Variants in PDE1A observed in about 807,000 individuals in gnomAD.
PDE1A encodes phosphodiesterase 1A, also known as dual specificity calcium/calmodulin-dependent 3',5'-cyclic nucleotide phosphodiesterase 1A.
In PDE1A, 35 loss-of-function variants were observed where a neutral mutation model predicts 61.7. That is an observed-to-expected ratio of 0.57 (90% CI 0.43 to 0.75). The LOEUF is 0.75. PDE1A is among the 30% of genes least tolerant of loss of function. The probability of loss-of-function intolerance (pLI) is 0.00; values close to 1 mark genes in which losing one functional copy is unlikely to be tolerated. For synonymous variants in PDE1A, 232 were observed against 213.2 expected (o/e 1.09, Z -0.77); for missense variants, 597 against 630.6 (o/e 0.95, Z 0.57).
chr2:182,542,688 T>C, the PDE1A span, among the ~76,000 whole-genome samples: 2 of 152,176 alleles, frequency 1.3e-5, no homozygotes, highest in Non-Finnish European at 2.9e-5. Context: ...TGGCATATCA[T>C]TAGAATTTCT....
intron 1 of PDE1A, among the ~76,000 whole-genome samples, chr2:182,322,855 A>G (rs569954515): frequency 6.6e-6 from 1 of 152,314 alleles, no homozygotes; most frequent in African/African-American, 2.4e-5. Flanking sequence ...TGATTTCGCA[A>G]AAATAAATAA....
At chr2:182,679,583 C>A in the PDE1A span, among the ~76,000 whole-genome samples, 2 of 151,800 alleles carry the variant, frequency 1.3e-5, no homozygotes, top group Non-Finnish European at 2.9e-5. Flanking sequence ...ACAATTATTA[C>A]GTGTCAATTA....
At chr2:182,580,106 C>T in the PDE1A span, among the ~76,000 whole-genome samples, 1 of 152,144 alleles carries the variant, frequency 6.6e-6, no homozygotes, top group Non-Finnish European at 1.5e-5. Context: ...CCTAAATTTG[C>T]CTTGCTTAAC....
At chr2:182,316,855 C>T (rs1473789135) in intron 1 of PDE1A, among the ~76,000 whole-genome samples, 2 of 152,050 alleles carry the variant, frequency 1.3e-5, no homozygotes, top group Non-Finnish European at 2.9e-5. Flanking sequence ...TATGTGTTGG[C>T]TTAGTATTAA....
the PDE1A span, among the ~76,000 whole-genome samples, chr2:182,698,777 T>C: frequency 2.6e-5 from 4 of 152,198 alleles, 1 homozygote; most frequent in African/African-American, 9.6e-5. Context: ...CATTTGCATG[T>C]AGTGAGCACA....
chr2:182,188,012 G>C (rs1685374011), intron 11 of PDE1A, among the ~76,000 whole-genome samples: 1 of 152,016 alleles, frequency 6.6e-6, no homozygotes, highest in Admixed American at 6.5e-5. Context: ...CAAAGTGCTG[G>C]GATTACAGGC....
At chr2:182,369,981 C>T (rs1700039969) in intron 1 of PDE1A, among the ~76,000 whole-genome samples, 1 of 151,996 alleles carries the variant, frequency 6.6e-6, no homozygotes, top group Admixed American at 6.6e-5. Context: ...TCAAGACCAT[C>T]CTGGCCAACA....
At chr2:182,543,038 G>C in the PDE1A span, among the ~76,000 whole-genome samples, 1 of 152,158 alleles carries the variant, frequency 6.6e-6, no homozygotes, top group Non-Finnish European at 1.5e-5. Flanking sequence ...TACTCTGAGT[G>C]AGTCAGCTCA....
intron 1 of PDE1A, among the ~76,000 whole-genome samples, chr2:182,307,966 C>T (rs746898037): frequency 6.6e-6 from 1 of 152,076 alleles, no homozygotes; most frequent in African/African-American, 2.4e-5. Flanking sequence ...TAAATTAGTA[C>T]AATCATTATG....
At chr2:182,530,418 G>A in the PDE1A span, among the ~76,000 whole-genome samples, 4 of 152,156 alleles carry the variant, frequency 2.6e-5, no homozygotes, top group Non-Finnish European at 4.4e-5. Context: ...TACACCTAGA[G>A]ACTCAGGATG....
At chr2:182,572,515 T>G in the PDE1A span, among the ~76,000 whole-genome samples, 9 of 152,320 alleles carry the variant, frequency 5.9e-5, no homozygotes, top group East Asian at 1.7e-3. Context: ...CTATCAGCCC[T>G]GGACTTGCTA....
the PDE1A span, among the ~76,000 whole-genome samples, chr2:182,619,380 G>C: frequency 6.6e-6 from 1 of 152,112 alleles, no homozygotes; most frequent in African/African-American, 2.4e-5. Context: ...CAAAAGCTCT[G>C]AGAAGACATT....
intron 3 of PDE1A, among the ~76,000 whole-genome samples, chr2:182,239,244 T>C (rs1035746313): frequency 4.6e-5 from 7 of 152,328 alleles, no homozygotes; most frequent in African/African-American, 1.2e-4. Context: ...ATGCAGTTTC[T>C]CTAAAATTTA....
At chr2:182,311,920 A>G (rs983638635) in intron 1 of PDE1A, among the ~76,000 whole-genome samples, 1 of 152,174 alleles carries the variant, frequency 6.6e-6, no homozygotes, top group Non-Finnish European at 1.5e-5. Flanking sequence ...GTACCTCCAC[A>G]TTATCACCAA....
intron 1 of PDE1A, among the ~76,000 whole-genome samples, chr2:182,382,191 G>T (rs1303391568): frequency 6.6e-6 from 1 of 152,132 alleles, no homozygotes; most frequent in Non-Finnish European, 1.5e-5. Flanking sequence ...AAAATTAGTA[G>T]ATTATCCAAG....
chr2:182,606,118 T>A, the PDE1A span, among the ~76,000 whole-genome samples: 2 of 152,220 alleles, frequency 1.3e-5, no homozygotes, highest in African/African-American at 4.8e-5. Flanking sequence ...TATAGCACTG[T>A]CACAGAAAGA....
At chr2:182,341,903 A>G (rs1482723184) in intron 1 of PDE1A, among the ~76,000 whole-genome samples, 1 of 152,052 alleles carries the variant, frequency 6.6e-6, no homozygotes, top group Non-Finnish European at 1.5e-5. Flanking sequence ...GACTACAGAC[A>G]CACGCCACCA....
At chr2:182,187,263 A>T (rs534355134) in intron 11 of PDE1A, among the ~76,000 whole-genome samples, 100 of 152,320 alleles carry the variant, frequency 6.6e-4, no homozygotes, top group African/African-American at 2.3e-3. Flanking sequence ...CTGAATGAAG[A>T]CTTTTACATT....
the PDE1A span, among the ~76,000 whole-genome samples, chr2:182,597,176 T>G: frequency 4.6e-5 from 7 of 151,792 alleles, no homozygotes; most frequent in Non-Finnish European, 4.4e-5. Context: ...AAAAATTTTT[T>G]TTTTAAATCT....
Sources: gnomAD v4.1 joint callset for allele counts (sites outside exome capture counted in the v4.1 genomes callset) on GRCh38, gnomAD v4.1.1 for gene constraint, MANE v1.5 for transcripts, NCBI Gene and HGNC (gene_info 2026-07-23, HGNC 2026-07-21) for gene names.